The following ARHGEF18 variants were observed in gnomAD, a reference collection of about 807,000 sequenced individuals.
ARHGEF18 encodes Rho/Rac guanine nucleotide exchange factor 18.
Under a neutral mutation model 155.7 loss-of-function variants are expected in ARHGEF18, and 93 were observed. The ratio of observed to expected loss-of-function variants is 0.60; its 90% confidence interval spans 0.50 to 0.71. The LOEUF is 0.71. ARHGEF18 is among the 30% of genes least tolerant of loss of function. ARHGEF18 has a pLI of 0.00. For missense variants in ARHGEF18, 1,593 were observed against 1,816.1 expected, an observed-to-expected ratio of 0.88 and a Z score of 2.23; for synonymous variants, 742 against 753.1, an observed-to-expected ratio of 0.99 and a Z score of 0.24.
In ARHGEF18 at chr19:7,435,058, T is replaced by G. The variant is rs574703373; in HGVS notation, c.968-5286T>G. Among the ~76,000 whole-genome samples the G allele has an allele frequency of 6.6e-5, 10 of 152,166 alleles. No homozygotes were observed. In the East Asian group the frequency reaches 1.5e-3, roughly 24 times the overall value. ...CTCTACTAAAAATACAAAAATTAGC[T>G]GGGCGTGGTGGCAGGCACCTGTAAT... On this transcript the variant is annotated intron_variant, in intron 10 of 28. Transcript: ENST00000668164.
intron 1 of ARHGEF18, among the ~76,000 whole-genome samples, chr19:7,352,769 A>G (rs1568257529): frequency 6.9e-6 from 1 of 143,936 alleles, no homozygotes; most frequent in Non-Finnish European, 1.5e-5. Flanking sequence ...TCCTGACCTC[A>G]TGATCCGCCC....
intron 10 of ARHGEF18, among the ~76,000 whole-genome samples, chr19:7,404,892 A>G (rs890596097): frequency 1.3e-5 from 2 of 152,128 alleles, no homozygotes; most frequent in Non-Finnish European, 2.9e-5. Flanking sequence ...GCACACGTAC[A>G]ATAATAGGAT....
chr19:7,387,912 A>G (rs1480067476), intron 10 of ARHGEF18, among the ~76,000 whole-genome samples: 5 of 151,116 alleles, frequency 3.3e-5, no homozygotes, highest in African/African-American at 9.7e-5. Context: ...TGATACACCC[A>G]CCTCAGCCTC....
At chr19:7,430,397 C>G (rs934418946) in intron 10 of ARHGEF18, among the ~76,000 whole-genome samples, 1 of 150,088 alleles carries the variant, frequency 6.7e-6, no homozygotes, top group Admixed American at 6.6e-5. Context: ...CAGATGAAGT[C>G]TCACCATGTT....
chr19:7,440,116 A>C lies in ARHGEF18; in HGVS notation c.968-228A>C. The C allele has an allele frequency of 1.3e-6, 2 of 1,550,744 alleles. No individual in the cohort carries two copies. Among genetic ancestry groups the C allele is most frequent in the Middle Eastern group, 1.7e-4 (1 of 5,988 alleles). On this transcript the variant is annotated intron_variant, in intron 10 of 28. Coordinates refer to ENST00000668164, the MANE Select transcript of ARHGEF18 (RefSeq NM_001367823.1). This position sits in a 1 kb window ranked among gnomAD's most constrained non-coding sequence, Gnocchi z 5.4. Reference sequence around the variant, plus strand: ...CCGGGCGCGAACATGGGGAATGCGCACTCCAAAAGCGGGGACAGGCACAGC... The same window carrying C: ...CCGGGCGCGAACATGGGGAATGCGCCCTCCAAAAGCGGGGACAGGCACAGC...
intron 10 of ARHGEF18, among the ~76,000 whole-genome samples, chr19:7,404,948 C>T (rs895452197): frequency 4.0e-5 from 6 of 149,538 alleles, no homozygotes; most frequent in East Asian, 1.9e-4. Flanking sequence ...GTGCGACAGA[C>T]TCGGGTGCTT....
intron 10 of ARHGEF18, among the ~76,000 whole-genome samples, chr19:7,384,413 G>A (rs1970889991): frequency 6.6e-6 from 1 of 152,220 alleles, no homozygotes; most frequent in Non-Finnish European, 1.5e-5. Flanking sequence ...ACCCTGCAGT[G>A]AGAGAACATC....
chr19:7,411,251 T>TTCCC (rs1972658291), intron 10 of ARHGEF18, among the ~76,000 whole-genome samples: 5 of 129,032 alleles, frequency 3.9e-5, no homozygotes, highest in South Asian at 3.1e-4. Context: ...TTCCCCTACC[T>TTCCC]CTTCCCCTTC....
chr19:7,476,887 A>G (rs1977240755), downstream of ARHGEF18: 1 of 331,642 alleles, frequency 3.0e-6, no homozygotes, highest in Non-Finnish European at 5.5e-6. Context: ...CAGCACCACA[A>G]TGTTTAATTG....
intron 10 of ARHGEF18, among the ~76,000 whole-genome samples, chr19:7,423,706 CAAA>C (rs752705832): frequency 4.8e-5 from 5 of 103,242 alleles, no homozygotes; most frequent in East Asian, 2.7e-4. Flanking sequence ...GACTCTATCT[CAAA>C]AAAAAAAAAA....
intron 23 of ARHGEF18, among the ~76,000 whole-genome samples, chr19:7,466,209 C>A (rs1316979920): frequency 6.6e-6 from 1 of 151,876 alleles, no homozygotes; most frequent in African/African-American, 2.4e-5. Context: ...CATGGTGAAA[C>A]CCCGCCTCTA....
intron 8 of ARHGEF18, among the ~76,000 whole-genome samples, chr19:7,381,819 ATCCCTCTCTCTCCCTCCTTTCC>A (rs1179087477): frequency 2.6e-5 from 4 of 152,108 alleles, no homozygotes; most frequent in Non-Finnish European, 5.9e-5. Flanking sequence ...AGGTCCCTGA[ATCCCTCTCTCTCCCTCCTTTCC>A]TCCCTCCCTC....
intron 8 of ARHGEF18, among the ~76,000 whole-genome samples, chr19:7,382,274 T>C (rs1970781743): frequency 6.6e-6 from 1 of 152,084 alleles, no homozygotes; most frequent in Non-Finnish European, 1.5e-5. Context: ...CACACACCTG[T>C]GGTCCCAGCT....
intron 10 of ARHGEF18, among the ~76,000 whole-genome samples, chr19:7,427,521 T>C (rs1378655590): frequency 6.6e-6 from 1 of 151,392 alleles, no homozygotes; most frequent in East Asian, 1.9e-4. Flanking sequence ...AGTGTCTGCC[T>C]GTAGTTCCAG....
downstream of ARHGEF18, among the ~76,000 whole-genome samples, chr19:7,475,526 A>ACACACACACACACACACACACACAAC (rs1977208900): frequency 1.3e-5 from 1 of 76,546 alleles, no homozygotes; most frequent in Non-Finnish European, 2.8e-5. Context: ...AACTGTTTAA[A>ACACACACACACACACACACACACAAC]CACACACACA....
intron 10 of ARHGEF18, among the ~76,000 whole-genome samples, chr19:7,414,563 C>G (rs948762805): frequency 1.3e-5 from 2 of 152,018 alleles, no homozygotes; most frequent in Admixed American, 6.6e-5. Flanking sequence ...ATAATTCCAG[C>G]ACTTTGGGAA....
At chr19:7,406,769 T>C (rs1299912017) in intron 10 of ARHGEF18, among the ~76,000 whole-genome samples, 2 of 152,110 alleles carry the variant, frequency 1.3e-5, no homozygotes, top group African/African-American at 4.8e-5. Flanking sequence ...TTAATAGTTA[T>C]AGCCACCTGG....
At position 7,440,496 on chromosome 19, in the gene ARHGEF18, C is replaced by T; in HGVS notation, c.1106+14C>T. The T allele has an allele frequency of 3.8e-6, 6 of 1,584,360 alleles. No homozygotes were observed. Among genetic ancestry groups the T allele is most frequent in the Non-Finnish European group, 5.1e-6 (6 of 1,170,642 alleles). On this transcript the variant is annotated intron_variant, in intron 11 of 28. Transcript: ENST00000668164. The surrounding 1 kb of genome is among the most constrained non-coding windows in gnomAD (Gnocchi z 5.4). ...GACGCAACTCGGGTAAGCCAGGGTC[C>T]CCTCTGTGCCCTCGGGTGGGTGGTG...
At chr19:7,394,199 C>A (rs1971551002) in intron 10 of ARHGEF18, among the ~76,000 whole-genome samples, 1 of 151,848 alleles carries the variant, frequency 6.6e-6, no homozygotes, top group Non-Finnish European at 1.5e-5. Flanking sequence ...GTCATCCTCC[C>A]ACCTCAGCCT....
Sources: allele counts gnomAD v4.1 joint callset (sites outside exome capture counted in the v4.1 genomes callset), GRCh38; gene constraint gnomAD v4.1.1; non-coding constraint Gnocchi (gnomAD v3.1); transcripts MANE v1.5; gene names NCBI Gene and HGNC (gene_info 2026-07-23, HGNC 2026-07-21).